The following CUEDC1 variants were observed in gnomAD, a reference collection of about 807,000 sequenced individuals.
CUEDC1 encodes CUE domain-containing protein 1.
Under a neutral mutation model 43.7 loss-of-function variants are expected in CUEDC1, and 30 were observed. The observed-to-expected ratio is 0.69, with a 90% CI of 0.51 to 0.93. CUEDC1 has a LOEUF of 0.93. Ranked by LOEUF, CUEDC1 falls within the 40% of genes least tolerant of loss-of-function variation. The pLI is 0.00. For missense variants in CUEDC1, 486 were observed against 549.0 expected (o/e 0.89, Z 1.15); for synonymous variants, 223 against 223.6 (o/e 1.00, Z 0.02).
intron 2 of CUEDC1, among the ~76,000 whole-genome samples, chr17:57,884,192 CTTT>C (rs780667346): frequency 6.8e-3 from 552 of 81,330 alleles, no homozygotes; most frequent in Non-Finnish European, 8.4e-3. Context: ...TTTTTCTTTT[CTTT>C]TTTTTTTTTT....
chr17:57,883,228 G>A (rs748768664), intron 2 of CUEDC1, among the ~76,000 whole-genome samples: 2 of 152,192 alleles, frequency 1.3e-5, no homozygotes, highest in Non-Finnish European at 2.9e-5. Flanking sequence ...CTGAGTGCTT[G>A]CTATGTGCGT....
intron 1 of CUEDC1, among the ~76,000 whole-genome samples, chr17:57,929,447 G>A (rs1279150262): frequency 6.6e-6 from 1 of 152,178 alleles, no homozygotes; most frequent in East Asian, 1.9e-4. Flanking sequence ...CAAACTGTTA[G>A]TTGTGGGTCC....
Position 57,914,087 on chromosome 17 carries a change from G to A in CUEDC1, c.-315-28208C>T, listed in dbSNP as rs145042959. 4.2e-3 allele frequency among the ~76,000 whole-genome samples: 642 copies of A among 152,246 alleles called. 8 individuals are homozygous for A. Among genetic ancestry groups the A allele is most frequent in the Admixed American group, 0.012 (177 of 15,276 alleles). ...AACAGATGGTGCCCACCTGGAAGGCGGGATTTTTTGGATCTCATTCAGTTC... is the reference window on the plus strand; with the variant it reads ...AACAGATGGTGCCCACCTGGAAGGCAGGATTTTTTGGATCTCATTCAGTTC... On this transcript the variant is annotated intron_variant, in intron 1 of 10. Transcript: ENST00000577830.
intron 1 of CUEDC1, among the ~76,000 whole-genome samples, chr17:57,915,615 G>A (rs2074631531): frequency 6.6e-6 from 1 of 152,242 alleles, no homozygotes; most frequent in Non-Finnish European, 1.5e-5. Flanking sequence ...AGCTCAGGCA[G>A]AAAGTTGGCG....
At chr17:57,920,183 T>C (rs538762363) in intron 1 of CUEDC1, among the ~76,000 whole-genome samples, 2 of 152,312 alleles carry the variant, frequency 1.3e-5, no homozygotes, top group Admixed American at 6.5e-5. Context: ...CTACTCAAAG[T>C]GCAGCCTGAG....
intron 1 of CUEDC1, among the ~76,000 whole-genome samples, chr17:57,921,533 G>A (rs1426413512): frequency 2.0e-5 from 3 of 152,196 alleles, no homozygotes; most frequent in Admixed American, 1.3e-4. Flanking sequence ...AGGCTTGGAC[G>A]TGGTTCAAAA....
Position 57,904,469 on chromosome 17 carries a change from C to A in CUEDC1, c.-315-18590G>T, listed in dbSNP as rs555674517. Among the ~76,000 whole-genome samples, 5 of 152,196 alleles carry A rather than the reference C, an allele frequency of 3.3e-5. No individual in the cohort carries two copies. In the East Asian group the frequency reaches 7.7e-4, roughly 24 times the overall value. ...TCACCAGAGGAAAAAAGTCAATCAACGAGGAAAAATCTGTTTCTAAAAATG... is the reference window on the plus strand; with the variant it reads ...TCACCAGAGGAAAAAAGTCAATCAAAGAGGAAAAATCTGTTTCTAAAAATG... On this transcript the variant is annotated intron_variant, in intron 1 of 10. Coordinates refer to ENST00000577830, the MANE Select transcript of CUEDC1 (RefSeq NM_001271875.2).
intron 2 of CUEDC1, among the ~76,000 whole-genome samples, chr17:57,882,887 G>A (rs2074233535): frequency 6.6e-6 from 1 of 152,158 alleles, no homozygotes; most frequent in African/African-American, 2.4e-5. Context: ...TAAGGCTTGA[G>A]TTAAGGCTTG....
chr17:57,928,696 C>T (rs1489864780), intron 1 of CUEDC1, among the ~76,000 whole-genome samples: 1 of 151,344 alleles, frequency 6.6e-6, no homozygotes, highest in Non-Finnish European at 1.5e-5. Flanking sequence ...AAGAGGGCAA[C>T]TTGAGTTTCT....
chr17:57,911,307 TG>T (rs1598003833), intron 1 of CUEDC1, among the ~76,000 whole-genome samples: 2 of 152,192 alleles, frequency 1.3e-5, no homozygotes, highest in African/African-American at 4.8e-5. Context: ...CAAGTTCCCC[TG>T]TCCCATGAGG....
intron 3 of CUEDC1, among the ~76,000 whole-genome samples, chr17:57,875,315 C>G (rs2074104156): frequency 6.6e-6 from 1 of 152,188 alleles, no homozygotes; most frequent in Admixed American, 6.5e-5. Flanking sequence ...GAGGGAGAAC[C>G]TCAGAGGTGC....
intron 3 of CUEDC1, 66 bp downstream of exon 3, chr17:57,879,545 T>G (rs2074174170): frequency 6.7e-7 from 1 of 1,500,168 alleles, no homozygotes; most frequent in Admixed American, 2.6e-5. Context: ...GTGTTGTTTG[T>G]ACACAGCCCC....
At chr17:57,902,793 G>A (rs1008918246) in intron 1 of CUEDC1, among the ~76,000 whole-genome samples, 1 of 152,224 alleles carries the variant, frequency 6.6e-6, no homozygotes, top group African/African-American at 2.4e-5. Context: ...CCCTATAGCA[G>A]AGAGCTGGCC....
intron 1 of CUEDC1, among the ~76,000 whole-genome samples, chr17:57,891,895 A>G (rs2074358871): frequency 6.6e-6 from 1 of 152,200 alleles, no homozygotes; most frequent in East Asian, 1.9e-4. Flanking sequence ...GACCACCTTG[A>G]ATATTATACA....
At chr17:57,936,769 T>C (rs2074865468) in intron 1 of CUEDC1, among the ~76,000 whole-genome samples, 1 of 151,852 alleles carries the variant, frequency 6.6e-6, no homozygotes, top group Non-Finnish European at 1.5e-5. Context: ...TTCTCAGGGC[T>C]TCTTCCTGCA....
intron 10 of CUEDC1, among the ~76,000 whole-genome samples, chr17:57,865,830 T>TC (rs1288030059): frequency 6.6e-6 from 1 of 150,700 alleles, no homozygotes; most frequent in Admixed American, 6.6e-5. Context: ...TTTCTTTTTT[T>TC]TTTTTTTTTG....
intron 1 of CUEDC1, among the ~76,000 whole-genome samples, chr17:57,904,637 C>A (rs969424922): frequency 6.6e-6 from 1 of 152,184 alleles, no homozygotes; most frequent in African/African-American, 2.4e-5. Flanking sequence ...CACTCTGCTC[C>A]CCTCCTGCAC....
At chr17:57,895,113 CTCTCT>C (rs1161609633) in intron 1 of CUEDC1, among the ~76,000 whole-genome samples, 1 of 152,230 alleles carries the variant, frequency 6.6e-6, no homozygotes, top group Non-Finnish European at 1.5e-5. Flanking sequence ...TGCATGTTAA[CTCTCT>C]TCATCCTCCC....
intron 1 of CUEDC1, among the ~76,000 whole-genome samples, chr17:57,942,491 T>G (rs1005211611): frequency 6.6e-6 from 1 of 151,768 alleles, no homozygotes; most frequent in African/African-American, 2.4e-5. Flanking sequence ...TGGGTTCAAG[T>G]GATTCTCCTG....
Sources: gnomAD v4.1 joint callset for allele counts (sites outside exome capture counted in the v4.1 genomes callset) on GRCh38, gnomAD v4.1.1 for gene constraint, MANE v1.5 for transcripts, NCBI Gene and HGNC (gene_info 2026-07-23, HGNC 2026-07-21) for gene names.